RHBDL3: variants seen among roughly 807,000 people sequenced by gnomAD.
RHBDL3 encodes rhomboid like 3, also known as rhomboid-related protein 3.
Under a neutral mutation model 48.2 loss-of-function variants are expected in RHBDL3, and 28 were observed. The observed-to-expected ratio is 0.58, with a 90% CI of 0.43 to 0.80. RHBDL3 has a LOEUF of 0.80. RHBDL3 is among the 30% of genes least tolerant of loss of function. RHBDL3 has a pLI of 0.00. For missense variants in RHBDL3, 464 were observed against 542.7 expected (o/e 0.85, Z 1.44); for synonymous variants, 208 against 232.3 (o/e 0.90, Z 0.95).
intron 2 of RHBDL3, among the ~76,000 whole-genome samples, chr17:32,274,854 T>G (rs777956892): frequency 2.4e-4 from 37 of 151,718 alleles, no homozygotes; most frequent in Admixed American, 5.3e-4. Flanking sequence ...GCATGTGTGT[T>G]TGTGTGTGCA....
intron 8 of RHBDL3, among the ~76,000 whole-genome samples, chr17:32,318,312 C>T (rs183808458): frequency 6.8e-6 from 1 of 147,522 alleles, no homozygotes; most frequent in Non-Finnish European, 1.5e-5. Flanking sequence ...TGTGACAGAG[C>T]GAGACCTTGC....
At chr17:32,279,125 G>A (rs2039982281) in intron 2 of RHBDL3, among the ~76,000 whole-genome samples, 1 of 152,150 alleles carries the variant, frequency 6.6e-6, no homozygotes, top group Non-Finnish European at 1.5e-5. Flanking sequence ...AGATCCTGTT[G>A]TTTCTTAAAC....
chr17:32,312,733 G>A (rs2040874460), intron 7 of RHBDL3, among the ~76,000 whole-genome samples: 1 of 152,000 alleles, frequency 6.6e-6, no homozygotes, highest in Non-Finnish European at 1.5e-5. Context: ...TGCCAGGCTG[G>A]TCTTGAGCTC....
chr17:32,280,067 A>G (rs2150701322), intron 2 of RHBDL3, among the ~76,000 whole-genome samples: 1 of 152,280 alleles, frequency 6.6e-6, no homozygotes, highest in East Asian at 1.9e-4. Context: ...TTAAAGGCCG[A>G]GGCAGGTGGG....
intron 6 of RHBDL3, among the ~76,000 whole-genome samples, chr17:32,302,829 G>T (rs1464394387): frequency 3.9e-5 from 6 of 152,160 alleles, no homozygotes; most frequent in Non-Finnish European, 8.8e-5. Context: ...AACCAGGGAG[G>T]TCCCCTCCAG....
At chr17:32,307,465 G>A (rs1394875006) in intron 7 of RHBDL3, among the ~76,000 whole-genome samples, 1 of 152,140 alleles carries the variant, frequency 6.6e-6, no homozygotes, top group African/African-American at 2.4e-5. Context: ...TCCCAACCCT[G>A]TCCCTTTTGT....
chr17:32,270,500 G>T (rs1437428734), intron 2 of RHBDL3, among the ~76,000 whole-genome samples: 3 of 151,998 alleles, frequency 2.0e-5, no homozygotes, highest in Non-Finnish European at 4.4e-5. Context: ...GGTCTTGTTG[G>T]TCCTATATGG....
chr17:32,289,970 G>A (rs544180689), intron 4 of RHBDL3, among the ~76,000 whole-genome samples: 2 of 152,226 alleles, frequency 1.3e-5, no homozygotes, highest in African/African-American at 4.8e-5. Context: ...CTTCATCCAA[G>A]TACATGTTGA....
At chr17:32,317,811 G>A (rs868470149) in intron 8 of RHBDL3, among the ~76,000 whole-genome samples, 1 of 152,190 alleles carries the variant, frequency 6.6e-6, no homozygotes, top group Non-Finnish European at 1.5e-5. Flanking sequence ...AACCAGTCAG[G>A]CTGCAGTGTG....
intron 7 of RHBDL3, among the ~76,000 whole-genome samples, chr17:32,307,351 G>A (rs1479720647): frequency 1.3e-5 from 2 of 152,190 alleles, no homozygotes; most frequent in Non-Finnish European, 2.9e-5. Context: ...CTTCGCCCAC[G>A]TGGCAGATGT....
At chr17:32,319,887 G>C (rs2150761421) in intron 8 of RHBDL3, among the ~76,000 whole-genome samples, 1 of 152,136 alleles carries the variant, frequency 6.6e-6, no homozygotes, top group East Asian at 1.9e-4. Context: ...TAATGGGATG[G>C]CAGTTTCCTA....
chr17:32,312,569 G>A (rs1392845251), intron 7 of RHBDL3, among the ~76,000 whole-genome samples: 1 of 152,134 alleles, frequency 6.6e-6, no homozygotes, highest in Non-Finnish European at 1.5e-5. Flanking sequence ...CCAGGCTGGA[G>A]TACAGTGGCG....
chr17:32,300,520 C>T (rs2040557062), intron 6 of RHBDL3, among the ~76,000 whole-genome samples: 1 of 152,114 alleles, frequency 6.6e-6, no homozygotes, highest in Admixed American at 6.6e-5. Flanking sequence ...CACCACTGCA[C>T]TCCAGCCTGG....
chr17:32,302,656 C>T (rs1390424325), intron 6 of RHBDL3, among the ~76,000 whole-genome samples: 4 of 152,062 alleles, frequency 2.6e-5, no homozygotes, highest in Non-Finnish European at 5.9e-5. Flanking sequence ...GCTGGGATTA[C>T]ATAAGGGGTG....
intron 8 of RHBDL3, among the ~76,000 whole-genome samples, chr17:32,320,361 C>G (rs1300988227): frequency 6.6e-6 from 1 of 152,206 alleles, no homozygotes; most frequent in African/African-American, 2.4e-5. Context: ...CAGTCTTGCT[C>G]TGTCGCCCCA....
At chr17:32,267,776 A>G in intron 1 of RHBDL3, 126 bp from the exon 2 acceptor site, 1 of 1,555,666 alleles carries the variant, frequency 6.4e-7, no homozygotes, top group Admixed American at 1.8e-5. Flanking sequence ...GAGCCTGGTC[A>G]TGACTCCTGG....
intron 6 of RHBDL3, among the ~76,000 whole-genome samples, chr17:32,302,552 T>TATA (rs1491108296): frequency 3.3e-4 from 13 of 38,994 alleles, no homozygotes; most frequent in African/African-American, 8.8e-4. Context: ...TATATATATA[T>TATA]TTTTTTTTAG....
At chr17:32,318,116 T>C (rs1271238317) in intron 8 of RHBDL3, among the ~76,000 whole-genome samples, 1 of 151,634 alleles carries the variant, frequency 6.6e-6, no homozygotes, top group Non-Finnish European at 1.5e-5. Flanking sequence ...CTACTTAGAC[T>C]GAGGCAGGAA....
At chr17:32,270,763 G>A (rs2039753185) in intron 2 of RHBDL3, among the ~76,000 whole-genome samples, 2 of 152,108 alleles carry the variant, frequency 1.3e-5, no homozygotes, top group African/African-American at 4.8e-5. Context: ...TGTTCCATGT[G>A]TTCATGTCCT....
Sources: gnomAD v4.1 joint callset for allele counts (sites outside exome capture counted in the v4.1 genomes callset) on GRCh38, gnomAD v4.1.1 for gene constraint, MANE v1.5 for transcripts, NCBI Gene and HGNC (gene_info 2026-07-23, HGNC 2026-07-21) for gene names.